Variants in ERBB4 observed in about 807,000 individuals in gnomAD.
ERBB4 encodes the protein erb-b2 receptor tyrosine kinase 4.
In ERBB4, 42 loss-of-function variants were observed where a neutral mutation model predicts 158.0. That is an observed-to-expected ratio of 0.27 (90% CI 0.21 to 0.34). The LOEUF is 0.34. Ranked by LOEUF, ERBB4 falls within the 10% of genes least tolerant of loss-of-function variation. The pLI is 1.00. For missense variants in ERBB4, 1,333 were observed against 1,624.1 expected, an observed-to-expected ratio of 0.82 and a Z score of 3.08; for synonymous variants, 583 against 558.7, an observed-to-expected ratio of 1.04 and a Z score of -0.61.
chr2:212,299,136 G>A (rs1201001243), intron 1 of ERBB4, among the ~76,000 whole-genome samples: 1 of 151,610 alleles, frequency 6.6e-6, no homozygotes, highest in Non-Finnish European at 1.5e-5. Flanking sequence ...GACCAAAAGA[G>A]TGAGGCATGT....
At chr2:211,701,241 T>C (rs2073226389) in intron 12 of ERBB4, among the ~76,000 whole-genome samples, 1 of 152,234 alleles carries the variant, frequency 6.6e-6, no homozygotes, top group South Asian at 2.1e-4. Flanking sequence ...TTTTTACATG[T>C]TAGAAAAATA....
At chr2:212,067,111 A>C (rs1172529041) in intron 2 of ERBB4, among the ~76,000 whole-genome samples, 1 of 152,040 alleles carries the variant, frequency 6.6e-6, no homozygotes, top group Non-Finnish European at 1.5e-5. Context: ...TTGGTATAGC[A>C]CACCTTTATA....
chr2:212,170,069 A>T (rs1372435976), intron 1 of ERBB4, among the ~76,000 whole-genome samples: 1 of 152,184 alleles, frequency 6.6e-6, no homozygotes, highest in Non-Finnish European at 1.5e-5. Context: ...GGTAATGGGC[A>T]GAGGTTGGAA....
At chr2:211,625,094 G>A (rs942624337) in intron 17 of ERBB4, among the ~76,000 whole-genome samples, 2 of 152,070 alleles carry the variant, frequency 1.3e-5, no homozygotes, top group South Asian at 4.1e-4. Flanking sequence ...GTATGTCTAA[G>A]AGAGGCTCTG....
intron 1 of ERBB4, among the ~76,000 whole-genome samples, chr2:212,197,253 A>G (rs983079997): frequency 1.3e-5 from 2 of 152,208 alleles, no homozygotes; most frequent in South Asian, 4.1e-4. Context: ...ATTATACAAT[A>G]AAACTTATGA....
At chr2:211,923,575 G>T (rs2079931526) in intron 3 of ERBB4, among the ~76,000 whole-genome samples, 1 of 152,082 alleles carries the variant, frequency 6.6e-6, no homozygotes, top group African/African-American at 2.4e-5. Context: ...GTGCTGCCTT[G>T]CTGAGTGCAG....
intron 2 of ERBB4, among the ~76,000 whole-genome samples, chr2:212,036,123 T>A (rs532762944): frequency 7.1e-4 from 108 of 152,316 alleles, no homozygotes; most frequent in African/African-American, 2.3e-3. Context: ...AAAACTAATA[T>A]AGGATGAGTC....
At chr2:212,161,386 A>G (rs1023004146) in intron 1 of ERBB4, among the ~76,000 whole-genome samples, 1 of 151,936 alleles carries the variant, frequency 6.6e-6, no homozygotes, top group Non-Finnish European at 1.5e-5. Context: ...TTGCCTCTAG[A>G]CATGAGTAGC....
chr2:211,955,500 C>T (rs779159314), intron 2 of ERBB4, among the ~76,000 whole-genome samples: 1 of 152,062 alleles, frequency 6.6e-6, no homozygotes, highest in Admixed American at 6.6e-5. Context: ...AGACTTATTA[C>T]ACTAGAGTTA....
At chr2:212,061,276 A>G (rs2077755614) in intron 2 of ERBB4, among the ~76,000 whole-genome samples, 2 of 151,560 alleles carry the variant, frequency 1.3e-5, no homozygotes, top group Admixed American at 6.6e-5. Context: ...AACATTGTTA[A>G]GCTCCATCTC....
intron 2 of ERBB4, among the ~76,000 whole-genome samples, chr2:212,015,492 T>C (rs1429391242): frequency 7.2e-5 from 11 of 152,052 alleles, no homozygotes; most frequent in Admixed American, 7.2e-4. Flanking sequence ...ACTCAAAATT[T>C]TGTGCCTGGG....
intron 16 of ERBB4, among the ~76,000 whole-genome samples, chr2:211,643,592 T>C (rs2070679957): frequency 2.6e-5 from 4 of 152,088 alleles, no homozygotes; most frequent in African/African-American, 7.2e-5. Flanking sequence ...TCTCAAGATA[T>C]TTGCATTTTT....
At chr2:212,163,940 A>G (rs1521651) in intron 1 of ERBB4, among the ~76,000 whole-genome samples, 108,170 of 151,770 alleles carry the variant, frequency 0.71, 39,171 homozygotes, top group African/African-American at 0.76. Context: ...CTACAGGTAT[A>G]TACCACCATG....
intron 3 of ERBB4, among the ~76,000 whole-genome samples, chr2:211,816,610 C>T (rs2076886359): frequency 1.4e-5 from 2 of 145,080 alleles, no homozygotes; most frequent in Non-Finnish European, 3.0e-5. Flanking sequence ...ATAAACATTT[C>T]TAAAAATAAA....
chr2:212,309,261 G>T (rs1401847081), intron 1 of ERBB4, among the ~76,000 whole-genome samples: 1 of 150,872 alleles, frequency 6.6e-6, no homozygotes, highest in Non-Finnish European at 1.5e-5. Flanking sequence ...CTTTTAGTCT[G>T]TTTTGATTTT....
chr2:212,002,759 G>A (rs371010549), intron 2 of ERBB4, among the ~76,000 whole-genome samples: 17 of 152,076 alleles, frequency 1.1e-4, no homozygotes, highest in South Asian at 4.1e-4. Flanking sequence ...AGTCTTAGAC[G>A]TTTGAAAAAT....
chr2:212,350,626 T>C (rs2106339824), intron 1 of ERBB4, among the ~76,000 whole-genome samples: 1 of 152,274 alleles, frequency 6.6e-6, no homozygotes, highest in East Asian at 1.9e-4. Context: ...TAAAGCGATA[T>C]TAAGTCGTTC....
At chr2:211,938,705 T>A (rs1340875501) in intron 3 of ERBB4, among the ~76,000 whole-genome samples, 1 of 152,062 alleles carries the variant, frequency 6.6e-6, no homozygotes, top group Non-Finnish European at 1.5e-5. Context: ...TGGCTTCACA[T>A]GGCAGACGGA....
chr2:211,424,871 C>T (rs1244203995), intron 22 of ERBB4, among the ~76,000 whole-genome samples: 1 of 152,002 alleles, frequency 6.6e-6, no homozygotes, highest in East Asian at 1.9e-4. Flanking sequence ...AGGAATGTTC[C>T]ATACGTAATA....
Sources: allele counts gnomAD v4.1 joint callset (sites outside exome capture counted in the v4.1 genomes callset), GRCh38; gene constraint gnomAD v4.1.1; transcripts MANE v1.5; gene names NCBI Gene and HGNC (gene_info 2026-07-23, HGNC 2026-07-21).